TK1: variants seen among roughly 807,000 people sequenced by gnomAD.
TK1 encodes thymidine kinase 1, also known as thymidine kinase, cytosolic.
TK1 carries 13 observed loss-of-function variants against 22.4 expected under a neutral mutation model. That is an observed-to-expected ratio of 0.58 (90% confidence interval 0.38 to 0.92). TK1 has a LOEUF of 0.92. TK1 is among the 40% of genes least tolerant of loss of function. TK1 has a pLI of 0.00. For missense variants in TK1, 251 were observed against 315.7 expected (o/e 0.80, Z 1.55); for synonymous variants, 134 against 125.4 (o/e 1.07, Z -0.46).
In TK1 at chr17:78,174,735, G is replaced by A. The variant is rs944482368; in HGVS notation, c.*24C>T. ...CCAGTAGGCGGCAGTGGCAGGAAGG[G>A]AGCGGGCGGCCCTCGCAGGTCCCTC... On this transcript the variant is annotated 3_prime_UTR_variant, in exon 7 of 7. Coordinates refer to ENST00000301634, the MANE Select transcript of TK1 (RefSeq NM_003258.5). 2.6e-6 allele frequency: 4 copies of A among 1,557,192 alleles called. No individual in the cohort carries two copies. Among genetic ancestry groups the A allele is most frequent in the Non-Finnish European group, 3.5e-6 (4 of 1,152,602 alleles).
intron 2 of TK1, 97 bp downstream of exon 2, chr17:78,186,690 G>GAGGGGAGGGGAGGGAAGGGA: frequency 3.6e-6 from 2 of 562,496 alleles, no homozygotes; most frequent in Admixed American, 3.6e-5. Context: ...AAGGGAAGGG[G>GAGGGGAGGGGAGGGAAGGGA]AGGGGAGGGG....
chr17:78,184,984 G>A (rs1287390496), intron 3 of TK1, 71 bp downstream of exon 3: 14 of 1,150,536 alleles, frequency 1.2e-5, no homozygotes, highest in Non-Finnish European at 1.8e-5. Context: ...CCCCATTAAA[G>A]AGAGTCCTAA....
intron 3 of TK1, among the ~76,000 whole-genome samples, chr17:78,183,480 C>A (rs959261556): frequency 2.0e-5 from 3 of 152,178 alleles, no homozygotes; most frequent in African/African-American, 7.2e-5. Flanking sequence ...ATCACTTGAA[C>A]TCAGGAGTTC....
chr17:78,180,744 GGAGA>G (rs1336756773), intron 4 of TK1, among the ~76,000 whole-genome samples: 1 of 152,182 alleles, frequency 6.6e-6, no homozygotes, highest in Non-Finnish European at 1.5e-5. Context: ...AGATGGATGA[GGAGA>G]GAAATACCTG....
At chr17:78,186,659 T>G in intron 2 of TK1, 128 bp downstream of exon 2, 1 of 875,854 alleles carries the variant, frequency 1.1e-6, no homozygotes, top group Non-Finnish European at 1.6e-6. Flanking sequence ...CTGGTCCTTC[T>G]AGGGGAAGGG....
At chr17:78,186,201 G>C (rs1393091767) in intron 2 of TK1, among the ~76,000 whole-genome samples, 1 of 151,996 alleles carries the variant, frequency 6.6e-6, no homozygotes, top group Non-Finnish European at 1.5e-5. Flanking sequence ...CCAGGAGTTT[G>C]AGACCAGCCT....
At chr17:78,181,925 C>CTTTTTTTTTTTT (rs200839353) in intron 4 of TK1, among the ~76,000 whole-genome samples, 1 of 147,220 alleles carries the variant, frequency 6.8e-6, no homozygotes, top group Non-Finnish European at 1.5e-5. Flanking sequence ...TGGCTAATTT[C>CTTTTTTTTTTTT]TTTTTTTTTT....
At position 78,186,865 on chromosome 17, in the gene TK1, C is replaced by T. The variant is rs774723423; in HGVS notation, c.67-47G>A. The stretch of plus-strand genomic sequence containing the variant: ...TTTGAGGGCCCGCCCTGCGCGGATG[C>T]CTGGACACAGGCTATCACCACGACC... On this transcript the variant is annotated intron_variant, in intron 1 of 6. Transcript: ENST00000301634. 3.9e-5 allele frequency: 61 copies of T among 1,569,316 alleles called. No homozygotes were observed. In the South Asian group the frequency reaches 6.8e-4, roughly 18 times the overall value.
intron 4 of TK1, among the ~76,000 whole-genome samples, chr17:78,177,786 G>A (rs948355808): frequency 6.6e-6 from 1 of 151,984 alleles, no homozygotes; most frequent in African/African-American, 2.4e-5. Context: ...GTGTTAGCCA[G>A]GATGGTCTCG....
rs1188217413 is a variant in TK1, at chr17:78,187,020, C to G, written c.-26G>C. On this transcript the variant is annotated 5_prime_UTR_variant, in exon 1 of 7. Coordinates refer to ENST00000301634, the MANE Select transcript of TK1 (RefSeq NM_003258.5). ...TGCGCCTCCGGGAAGTTCACGAACC[C>G]GAGTACTCTCCAAGGCCGTCCCGCA... The G allele has an allele frequency of 1.3e-6, 2 of 1,588,422 alleles. No homozygotes were observed. Among genetic ancestry groups the G allele is most frequent in the East Asian group, 2.3e-5 (1 of 42,936 alleles).
At position 78,174,306 on chromosome 17, in the gene TK1, T is replaced by C. The variant is rs1243716751; in HGVS notation, c.*453A>G. On this transcript the variant is annotated 3_prime_UTR_variant, in exon 7 of 7. Transcript: ENST00000301634. ...AAGAGGGCGTGAATCCAGGCCATCC[T>C]CAGGGGAGGGTGGGAGCCCATCCCA... is the stretch of plus-strand genomic sequence containing the variant. 3 of 158,692 alleles carry C rather than the reference T, an allele frequency of 1.9e-5. No individual in the cohort carries two copies. The highest frequency in any genetic ancestry group is 4.1e-5 in the Non-Finnish European group (3 of 72,616). 9.8% of individuals were successfully genotyped at this position (158,692 alleles called of 1,614,324 possible).
At chr17:78,184,499 A>C (rs1044104105) in intron 3 of TK1, among the ~76,000 whole-genome samples, 6 of 152,238 alleles carry the variant, frequency 3.9e-5, no homozygotes, top group African/African-American at 1.4e-4. Context: ...GGAAATGTCC[A>C]GCGAGCTCAA....
At chr17:78,181,632 A>C (rs2075738386) in intron 4 of TK1, among the ~76,000 whole-genome samples, 1 of 152,030 alleles carries the variant, frequency 6.6e-6, no homozygotes, top group Admixed American at 6.6e-5. Context: ...CCATACAAAG[A>C]CTGGCAGCTT....
chr17:78,179,093 C>T (rs999623673), intron 4 of TK1: 8 of 925,024 alleles, frequency 8.6e-6, no homozygotes, highest in Non-Finnish European at 1.0e-5. Flanking sequence ...AAGGTTTCTG[C>T]CTCGGGGGTC....
chr17:78,187,168 A>C (rs1470913754), upstream of TK1: 1 of 910,822 alleles, frequency 1.1e-6, no homozygotes, highest in East Asian at 2.6e-5. Flanking sequence ...ATTTGGCCGC[A>C]GCCCGCCCCC....
At chr17:78,177,734 T>C (rs202134552) in intron 4 of TK1, among the ~76,000 whole-genome samples, 2 of 152,134 alleles carry the variant, frequency 1.3e-5, no homozygotes, top group East Asian at 3.9e-4. Flanking sequence ...CCACCACGCC[T>C]GGCTAATTTT....
In TK1 at chr17:78,174,121, A is replaced by G. The variant is rs572563799; in HGVS notation, c.*638T>C. The G allele has an allele frequency of 6.6e-5, 10 of 152,444 alleles. No homozygotes were observed. The highest frequency in any genetic ancestry group is 2.4e-4 in the African/African-American group (10 of 41,594). The allele number at this position is 152,444 out of a possible 1,614,324, so 9.4% of individuals were successfully genotyped here. On this transcript the variant is annotated 3_prime_UTR_variant, in exon 7 of 7. Transcript: ENST00000301634. ...TTTCAATTAGTTAATTTCATAAGCT[A>G]CAGCAGAGGCGTGGACCCTGCCCTC...
intron 4 of TK1, among the ~76,000 whole-genome samples, chr17:78,177,187 C>T (rs989370928): frequency 6.6e-6 from 1 of 152,194 alleles, no homozygotes; most frequent in South Asian, 2.1e-4. Flanking sequence ...GCCTCTGTGC[C>T]AGACCCTAAC....
In TK1 at chr17:78,175,612, C is replaced by T. The variant is rs1300097497; in HGVS notation, c.310G>A (p.Asp104Asn). Reference protein sequence around the residue: ...IGIDEGQFFPDIVEFCEAMAN... With the variant: ...IGIDEGQFFPNIVEFCEAMAN... ...ATGGCCTCGCAGAACTCCACGATGT[C>T]AGGGAACTGGAAAGGGCACGTGGAG... The change falls in exon 5 of 7, where the codon GAC becomes AAC. Residue 104 changes from aspartate (D) to asparagine (N), a missense_variant. By Grantham distance (23) the Asp-to-Asn change is conservative (BLOSUM62 1). Transcript: ENST00000301634. 1.2e-6 allele frequency: 2 copies of T among 1,613,478 alleles called. No individual in the cohort carries two copies. Among genetic ancestry groups the T allele is most frequent in the East Asian group, 2.2e-5 (1 of 44,876 alleles).
Sources: allele counts gnomAD v4.1 joint callset (sites outside exome capture counted in the v4.1 genomes callset), GRCh38; gene constraint gnomAD v4.1.1; transcripts MANE v1.5; gene names NCBI Gene and HGNC (gene_info 2026-07-23, HGNC 2026-07-21).